SORCS1: variants seen among roughly 807,000 people sequenced by gnomAD.
The protein encoded by SORCS1 is VPS10 domain-containing receptor SorCS1.
Under a neutral mutation model 146.1 loss-of-function variants are expected in SORCS1, and 60 were observed. The ratio of observed to expected loss-of-function variants is 0.41; its 90% CI spans 0.33 to 0.51. The LOEUF is 0.51. SORCS1 is among the 20% of genes least tolerant of loss of function. The probability of loss-of-function intolerance (pLI) is 0.21; values close to 1 mark genes in which losing one functional copy is unlikely to be tolerated. For synonymous variants in SORCS1, 637 were observed against 584.0 expected, an observed-to-expected ratio of 1.09 and a Z score of -1.31; for missense variants, 1,352 against 1,487.6, an observed-to-expected ratio of 0.91 and a Z score of 1.50.
rs150044050 is a variant in SORCS1 at position 106,769,746 on chromosome 10, T to C, written c.885+6788A>G. 7.1e-3 allele frequency among the ~76,000 whole-genome samples: 1,089 copies of C among 152,332 alleles called. 10 individuals carry two copies. The highest frequency in any genetic ancestry group is 0.023 in the African/African-American group (947 of 41,578). On this transcript the variant is annotated intron_variant, in intron 4 of 25. Transcript: ENST00000263054. ...GTCCATTTTTCCTTTTCTATCACCA[T>C]ATGATTTTAACTGAAAGTCAGCCTT...
chr10:106,674,604 G>C (rs1851888101), intron 14 of SORCS1, among the ~76,000 whole-genome samples: 1 of 152,022 alleles, frequency 6.6e-6, no homozygotes, highest in Non-Finnish European at 1.5e-5. Context: ...GAGTGTAAAT[G>C]CAATTTCACA....
chr10:107,154,008 C>CTTTTTTTTTTTT (rs71025579), intron 1 of SORCS1, among the ~76,000 whole-genome samples: 20 of 94,038 alleles, frequency 2.1e-4, no homozygotes, highest in African/African-American at 4.5e-4. Flanking sequence ...CTTTTCTTTT[C>CTTTTTTTTTTTT]TTTTTTTTTT....
intron 24 of SORCS1, among the ~76,000 whole-genome samples, chr10:106,585,429 C>T (rs1182314302): frequency 2.0e-5 from 3 of 152,028 alleles, no homozygotes; most frequent in African/African-American, 7.2e-5. Flanking sequence ...AGCAAAAATA[C>T]CCCCCTACAC....
rs541328140 is a variant in SORCS1, at chr10:106,927,555, CG to C, written c.626+28957del. Among the ~76,000 whole-genome samples the C allele has an allele frequency of 1.9e-3, 291 of 152,280 alleles. 1 individual carries two copies. Among genetic ancestry groups the C allele is most frequent in the Non-Finnish European group, 3.4e-3 (229 of 68,024 alleles). On this transcript the variant is annotated intron_variant, in intron 2 of 25. Transcript: ENST00000263054. Reference sequence around the variant, plus strand: ...CATGAGCGGGTTGCCACTGCTAGCTCGGGCAGCCTGTTTATTCTCATGTGGC... The same window carrying C: ...CATGAGCGGGTTGCCACTGCTAGCTCGGCAGCCTGTTTATTCTCATGTGGC...
intron 24 of SORCS1, among the ~76,000 whole-genome samples, chr10:106,587,923 A>ATAATGTGC (rs1450901796): frequency 3.9e-5 from 6 of 152,102 alleles, no homozygotes; most frequent in African/African-American, 1.4e-4. Context: ...TACCATTTTT[A>ATAATGTGC]TAATGTGCGT....
chr10:106,654,565 C>T (rs1850133824), intron 17 of SORCS1, among the ~76,000 whole-genome samples: 1 of 152,182 alleles, frequency 6.6e-6, no homozygotes, highest in Non-Finnish European at 1.5e-5. Flanking sequence ...TCCAGATATT[C>T]AAAGCTGGTA....
intron 1 of SORCS1, among the ~76,000 whole-genome samples, chr10:107,072,106 ATGCGT>A (rs1338322575): frequency 6.6e-6 from 1 of 152,210 alleles, no homozygotes; most frequent in Non-Finnish European, 1.5e-5. Context: ...CCAAGTGAAG[ATGCGT>A]TGCTGGGATG....
intron 2 of SORCS1, among the ~76,000 whole-genome samples, chr10:106,886,387 A>G (rs1163430843): frequency 2.6e-5 from 4 of 152,160 alleles, no homozygotes. Context: ...ATTATTTTCT[A>G]CATTATTTTC....
At chr10:106,953,545 A>G (rs1414671117) in intron 2 of SORCS1, among the ~76,000 whole-genome samples, 1 of 152,062 alleles carries the variant, frequency 6.6e-6, no homozygotes, top group Admixed American at 6.6e-5. Flanking sequence ...ATAGTCATGT[A>G]TCACTTAATG....
chr10:106,694,566 T>A (rs1410650438), intron 9 of SORCS1, among the ~76,000 whole-genome samples: 1 of 152,212 alleles, frequency 6.6e-6, no homozygotes, highest in Non-Finnish European at 1.5e-5. Context: ...TTCAATATCC[T>A]GTAATAAATG....
At position 106,808,663 on chromosome 10, in the gene SORCS1, T is replaced by C. The variant is rs185305580; in HGVS notation, c.726+20911A>G. ...GACTACAGGTGCCCGCCACCTCGCC[T>C]GGCTAATTTTTTGTATTTTTAGTAG... On this transcript the variant is annotated intron_variant, in intron 3 of 25. Coordinates refer to ENST00000263054, the MANE Select transcript of SORCS1 (RefSeq NM_052918.5). 1.2e-3 allele frequency among the ~76,000 whole-genome samples: 180 copies of C among 152,160 alleles called. 2 individuals are homozygous for C. The East Asian group carries it at 0.025, about 21-fold the overall frequency.
In SORCS1 at chr10:106,602,552, A is replaced by ACACACAC. The variant is rs1846313649; in HGVS notation, c.3165+4613_3165+4614insGTGTGTG. 3.1e-4 allele frequency among the ~76,000 whole-genome samples: 19 copies of ACACACAC among 61,882 alleles called. No individual in the cohort carries two copies. The South Asian group carries it at 7.2e-3, about 23-fold the overall frequency. The allele number at this position is 61,882 out of a possible 152,430, so 40.6% of individuals were successfully genotyped here. A position where few individuals can be genotyped will look rare whatever the true frequency, so the allele number is the denominator to read the frequency against. On this transcript the variant is annotated intron_variant, in intron 23 of 25. Transcript: ENST00000263054. Reference sequence around the variant, plus strand: ...ACACACACACACACACACACACACAAACACACACACAAATTTAGCCTGATT... The same window carrying ACACACAC: ...ACACACACACACACACACACACACAACACACACACACACACACAAATTTAGCCTGATT...
intron 1 of SORCS1, among the ~76,000 whole-genome samples, chr10:107,071,255 C>T (rs1329798145): frequency 2.6e-5 from 4 of 152,138 alleles, no homozygotes; most frequent in Non-Finnish European, 1.5e-5. Context: ...TGTTCACTCT[C>T]CAAATAATTC....
At chr10:106,595,174 T>G (rs1032014103) in intron 24 of SORCS1, among the ~76,000 whole-genome samples, 1 of 152,196 alleles carries the variant, frequency 6.6e-6, no homozygotes, top group Non-Finnish European at 1.5e-5. Context: ...AGCCTTTTCT[T>G]CAGAGAATTT....
rs558239314 is a variant in SORCS1 at position 107,013,450 on chromosome 10, G to C, written c.559-56870C>G. Reference sequence around the variant, plus strand: ...GTTAACCTGGAGTCACACACAGATAGCCAGCAGGAGACTCACTTTTTCTTT... The same window carrying C: ...GTTAACCTGGAGTCACACACAGATACCCAGCAGGAGACTCACTTTTTCTTT... On this transcript the variant is annotated intron_variant, in intron 1 of 25. Transcript: ENST00000263054. 7.1e-4 allele frequency among the ~76,000 whole-genome samples: 108 copies of C among 152,208 alleles called. 2 individuals are homozygous for C. The highest frequency in any genetic ancestry group is 2.6e-3 in the African/African-American group (106 of 41,518).
At chr10:106,914,171 TACA>T (rs1245007688) in intron 2 of SORCS1, among the ~76,000 whole-genome samples, 3 of 152,222 alleles carry the variant, frequency 2.0e-5, no homozygotes, top group Non-Finnish European at 4.4e-5. Flanking sequence ...GCCCAGAATT[TACA>T]ACATTTGCTG....
At chr10:107,142,250 T>C (rs1298271448) in intron 1 of SORCS1, among the ~76,000 whole-genome samples, 1 of 152,168 alleles carries the variant, frequency 6.6e-6, no homozygotes, top group Non-Finnish European at 1.5e-5. Flanking sequence ...GAGATGCAGA[T>C]TCTAGCAGAG....
chr10:107,109,058 G>A (rs189128998), intron 1 of SORCS1, among the ~76,000 whole-genome samples: 16 of 152,320 alleles, frequency 1.1e-4, no homozygotes, highest in African/African-American at 3.8e-4. Context: ...TACCCTTGTG[G>A]CTTTGCAGGG....
the SORCS1 span, among the ~76,000 whole-genome samples, chr10:107,176,950 G>A: frequency 6.6e-6 from 1 of 151,978 alleles, no homozygotes; most frequent in Non-Finnish European, 1.5e-5. Context: ...TAAGAGAGGT[G>A]TATCAAAATT....
Sources: allele counts gnomAD v4.1 joint callset (sites outside exome capture counted in the v4.1 genomes callset), GRCh38; gene constraint gnomAD v4.1.1; transcripts MANE v1.5; gene names NCBI Gene and HGNC (gene_info 2026-07-23, HGNC 2026-07-21).